UNK: variants seen among roughly 807,000 people sequenced by gnomAD.
UNK encodes RING finger protein unkempt homolog.
Under a neutral mutation model 97.6 loss-of-function variants are expected in UNK, and 32 were observed. The ratio of observed to expected loss-of-function variants is 0.33; its 90% CI spans 0.25 to 0.44. The LOEUF is 0.44. Ranked by LOEUF, UNK falls within the 20% of genes least tolerant of loss-of-function variation. The probability of loss-of-function intolerance (pLI) is 1.00; values close to 1 mark genes in which losing one functional copy is unlikely to be tolerated. For synonymous variants in UNK, 441 were observed against 461.2 expected, an observed-to-expected ratio of 0.96 and a Z score of 0.56; for missense variants, 771 against 1,098.4, an observed-to-expected ratio of 0.70 and a Z score of 4.21.
chr17:75,785,058 G>C, intron 1 of UNK, 74 bp downstream of exon 1: 1 of 1,142,006 alleles, frequency 8.8e-7, no homozygotes, highest in African/African-American at 1.7e-5. Flanking sequence ...ACGCGCGCAG[G>C]GAGAGCGCGA....
Position 75,813,191 on chromosome 17 carries a change from A to G in UNK, c.736A>G (p.Ser246Gly), listed in dbSNP as rs1599382000. The G allele has an allele frequency of 6.3e-7, 1 of 1,587,122 alleles. No homozygotes were observed. Among genetic ancestry groups the G allele is most frequent in the Non-Finnish European group, 8.6e-7 (1 of 1,167,582 alleles). The change falls in exon 5 of 16, where the codon AGC becomes GGC. Residue 246 changes from serine (S) to glycine (G), a missense_variant. Physicochemically the swap from Ser to Gly is moderately conservative, Grantham distance 56 (BLOSUM62 0). Around this residue, in one of 5 missense-constraint regions of UNK, gnomAD observed 246 missense variants for 440.7 expected, o/e 0.56. Transcript: ENST00000589666. Reference protein sequence around the residue: ...YYHNSKDRRRSPRKHKYRSSP... With the variant: ...YYHNSKDRRRGPRKHKYRSSP... Reference sequence around the variant, plus strand: ...CCACAACAGCAAGGACCGGCGGCGGAGCCCCCGGAAGCACAAATACAGGTC... The same window carrying G: ...CCACAACAGCAAGGACCGGCGGCGGGGCCCCCGGAAGCACAAATACAGGTC...
In UNK at chr17:75,822,362, G is replaced by A. The variant is rs1251003854; in HGVS notation, c.1838-115G>A. The A allele has an allele frequency of 7.1e-6, 9 of 1,275,340 alleles. No individual in the cohort carries two copies. The East Asian group carries it at 1.8e-4, about 25-fold the overall frequency. 79.0% of individuals were successfully genotyped at this position (1,275,340 alleles called of 1,614,324 possible). ...AAATTCTCTGGCCTGACACTAGCTG[G>A]AGCCTTGCACACCCATCCAGTGGAC... On this transcript the variant is annotated intron_variant, in intron 13 of 15. Transcript: ENST00000589666.
chr17:75,797,650 C>G (rs2061818939), intron 1 of UNK, among the ~76,000 whole-genome samples: 1 of 152,230 alleles, frequency 6.6e-6, no homozygotes, highest in African/African-American at 2.4e-5. Flanking sequence ...TCTTTGCCAG[C>G]TGCTGTGTGA....
At chr17:75,806,648 C>T (rs2143755559) in intron 1 of UNK, among the ~76,000 whole-genome samples, 1 of 151,894 alleles carries the variant, frequency 6.6e-6, no homozygotes, top group East Asian at 1.9e-4. Context: ...TGGCGGGTGC[C>T]TGTAATCCCA....
chr17:75,819,881 G>A lies in UNK; in HGVS notation c.1649-39G>A. ...CTGTGTGGCCCGCCTGGCTTCCGCT[G>A]CCCTCACCCAGCCCGTCCTCCCCGG... On this transcript the variant is annotated intron_variant, in intron 12 of 15. Coordinates refer to ENST00000589666, the MANE Select transcript of UNK (RefSeq NM_001080419.3). This position sits in a 1 kb window ranked among gnomAD's most constrained non-coding sequence, Gnocchi z 5.4. The A allele has an allele frequency of 1.2e-6, 2 of 1,601,992 alleles. No individual in the cohort carries two copies. The highest frequency in any genetic ancestry group is 1.7e-6 in the Non-Finnish European group (2 of 1,173,654).
Position 75,799,074 on chromosome 17 carries a change from A to C in UNK, c.105-10686A>C, listed in dbSNP as rs113271345. On this transcript the variant is annotated intron_variant, in intron 1 of 15. Transcript: ENST00000589666. The stretch of plus-strand genomic sequence containing the variant: ...GTGCGAGACTCCATCTCAAAAACAA[A>C]AAAAAAAAAGAGGGTTGCTGGAGGT... Among the ~76,000 whole-genome samples the C allele has an allele frequency of 4.6e-5, 7 of 151,700 alleles. 1 individual carries two copies. The highest frequency in any genetic ancestry group is 1.7e-4 in the African/African-American group (7 of 41,422).
At position 75,816,437 on chromosome 17, in the gene UNK, A is replaced by G. The variant is rs1426376679; in HGVS notation, c.962-333A>G. Among the ~76,000 whole-genome samples, 1 of 152,226 alleles carries G rather than the reference A, an allele frequency of 6.6e-6. No homozygotes were observed. Among genetic ancestry groups the G allele is most frequent in the Non-Finnish European group, 1.5e-5 (1 of 68,040 alleles). On this transcript the variant is annotated intron_variant, in intron 7 of 15. Coordinates refer to ENST00000589666, the MANE Select transcript of UNK (RefSeq NM_001080419.3). The surrounding 1 kb of genome is among the most constrained non-coding windows in gnomAD (Gnocchi z 4.0). Reference sequence around the variant, plus strand: ...AGTGATTCAGGCTTTGGAGTTGTACAGATCAGCGTTCAAGACCCAGCTCCT... The same window carrying G: ...AGTGATTCAGGCTTTGGAGTTGTACGGATCAGCGTTCAAGACCCAGCTCCT...
rs761280468 is a variant in UNK at position 75,815,164 on chromosome 17, TC to T, written c.877-3del. ...AGCCTGACTTGCCTGTGCTCTGCCC[TC>T]CAGATCTACAAGTCCACCAAGTGCA... On this transcript the variant is annotated splice_region_variant and splice_polypyrimidine_tract_variant and intron_variant, in intron 6 of 15. Transcript: ENST00000589666. The T allele has an allele frequency of 2.0e-5, 33 of 1,612,140 alleles. No individual in the cohort carries two copies. The highest frequency in any genetic ancestry group is 3.3e-5 in the Admixed American group (2 of 59,956).
At chr17:75,795,003 A>G (rs536783737) in intron 1 of UNK, among the ~76,000 whole-genome samples, 1 of 152,208 alleles carries the variant, frequency 6.6e-6, no homozygotes, top group African/African-American at 2.4e-5. Context: ...TTGCATCCAC[A>G]CTAAAATAGA....
chr17:75,786,597 G>C (rs905589480), intron 1 of UNK, among the ~76,000 whole-genome samples: 2 of 152,154 alleles, frequency 1.3e-5, no homozygotes, highest in African/African-American at 4.8e-5. Context: ...TAGCTCTCAC[G>C]CCTGTAATCA....
chr17:75,818,711 C>T lies in UNK; in HGVS notation c.1441C>T (p.Leu481=), dbSNP rs2062039034. The T allele has an allele frequency of 6.2e-7, 1 of 1,613,230 alleles. No homozygotes were observed. The highest frequency in any genetic ancestry group is 1.7e-5 in the Admixed American group (1 of 59,944). ...CATCTCTTCTAGTATCACCTCCAGCCTGGCAGCTACCCCCCCTAGCCCAGT... is the reference window on the plus strand; with the variant it reads ...CATCTCTTCTAGTATCACCTCCAGCTTGGCAGCTACCCCCCCTAGCCCAGT... The part of the protein sequence containing the change: ...SSISSSITSS[L]AATPPSPVGT... Residue 481 remains leucine (L), a synonymous_variant, in exon 11 of 16, where the codon CTG becomes TTG. Coordinates refer to ENST00000589666, the MANE Select transcript of UNK (RefSeq NM_001080419.3). This position sits in a 1 kb window ranked among gnomAD's most constrained non-coding sequence, Gnocchi z 5.1.
At position 75,823,230 on chromosome 17, in the gene UNK, G is replaced by A. The variant is rs567838772; in HGVS notation, c.2020-35G>A. 4 of 1,559,460 alleles carry A rather than the reference G, an allele frequency of 2.6e-6. No individual in the cohort carries two copies. In the African/African-American group the frequency reaches 4.1e-5, roughly 16 times the overall value. On this transcript the variant is annotated intron_variant, in intron 14 of 15. Coordinates refer to ENST00000589666, the MANE Select transcript of UNK (RefSeq NM_001080419.3). ...CTCTCTGGGGACAGGGGCAGGGCAG[G>A]GCCATTGTGATGAGACTGTATGCTG...
At position 75,809,763 on chromosome 17, in the gene UNK, C is replaced by T; in HGVS notation, c.108C>T (p.Tyr36=). Residue 36 remains tyrosine (Y), a synonymous_variant, in exon 2 of 16, where the codon TAC becomes TAT. Coordinates refer to ENST00000589666, the MANE Select transcript of UNK (RefSeq NM_001080419.3). ...AQPEKPQHYT[Y]LKEFRTEQCP... Reference sequence around the variant, plus strand: ...CCACGCGGGGCTCTCTCTGCAGGTACCTGAAAGAATTCCGCACAGAGCAGT... The same window carrying T: ...CCACGCGGGGCTCTCTCTGCAGGTATCTGAAAGAATTCCGCACAGAGCAGT... 1.2e-6 allele frequency: 2 copies of T among 1,606,076 alleles called. No homozygotes were observed. Among genetic ancestry groups the T allele is most frequent in the Non-Finnish European group, 1.7e-6 (2 of 1,176,622 alleles).
chr17:75,801,956 T>G (rs2061863763), intron 1 of UNK, among the ~76,000 whole-genome samples: 1 of 151,900 alleles, frequency 6.6e-6, no homozygotes, highest in African/African-American at 2.4e-5. Flanking sequence ...CAAGTGATTC[T>G]TGTGCCTCAG....
intron 1 of UNK, among the ~76,000 whole-genome samples, chr17:75,787,845 C>T (rs927550216): frequency 6.6e-6 from 1 of 150,464 alleles, no homozygotes; most frequent in Non-Finnish European, 1.5e-5. Context: ...AAAAGAGAGA[C>T]GTGATCTCTC....
At position 75,818,238 on chromosome 17, in the gene UNK, C is replaced by T. The variant is rs1056231905; in HGVS notation, c.1371+70C>T. On this transcript the variant is annotated intron_variant, in intron 10 of 15. Coordinates refer to ENST00000589666, the MANE Select transcript of UNK (RefSeq NM_001080419.3). This position sits in a 1 kb window ranked among gnomAD's most constrained non-coding sequence, Gnocchi z 5.1. The stretch of plus-strand genomic sequence containing the variant: ...AGTGGCCCAGAACCCCAGGAGGCTT[C>T]GGGGAGTGGGAGGCACCACTTTTCC... 1.5e-5 allele frequency: 24 copies of T among 1,558,938 alleles called. No individual in the cohort carries two copies. The highest frequency in any genetic ancestry group is 6.8e-5 in the South Asian group (6 of 88,334).
At position 75,818,010 on chromosome 17, in the gene UNK, C is replaced by G; in HGVS notation, c.1306-93C>G. 1 of 1,286,980 alleles carries G rather than the reference C, an allele frequency of 7.8e-7. No homozygotes were observed. The highest frequency in any genetic ancestry group is 1.1e-6 in the Non-Finnish European group (1 of 894,726). The allele number at this position is 1,286,980 out of a possible 1,614,324, so 79.7% of individuals were successfully genotyped here. A position where few individuals can be genotyped will look rare whatever the true frequency, so the allele number is the denominator to read the frequency against. On this transcript the variant is annotated intron_variant, in intron 9 of 15. Transcript: ENST00000589666. This position sits in a 1 kb window ranked among gnomAD's most constrained non-coding sequence, Gnocchi z 5.1. ...TGAAGAGGGGTTGCATGTCTGCCAC[C>G]ACCTGCCCCCTGGTACCTGCAGCCT...
At position 75,823,276 on chromosome 17, in the gene UNK, C is replaced by T. The variant is rs1193242393; in HGVS notation, c.2031C>T (p.Ala677=). 1.9e-6 allele frequency: 3 copies of T among 1,602,352 alleles called. No individual in the cohort carries two copies. The highest frequency in any genetic ancestry group is 1.1e-5 in the South Asian group (1 of 90,480). The change falls in exon 15 of 16, where the codon GCC becomes GCT. Residue 677 remains alanine (A), a synonymous_variant. Transcript: ENST00000589666. ...SWKQAKQACD[A]WKKEAEEAGE... ...TGCTGGCCCCACAGGCTTGTGATGC[C>T]TGGAAGAAAGAGGCGGAGGAGGCTG...
In UNK at chr17:75,818,949, A is replaced by G. The variant is rs1442264488; in HGVS notation, c.1546+133A>G. On this transcript the variant is annotated intron_variant, in intron 11 of 15. Transcript: ENST00000589666. The surrounding 1 kb of genome is among the most constrained non-coding windows in gnomAD (Gnocchi z 5.1). ...GTCTTCGGAAAATCAGGGGATGGGC[A>G]CTCTGAGTCCTTTGAGCTAAAGGGG... 20 of 1,078,176 alleles carry G rather than the reference A, an allele frequency of 1.9e-5. No individual in the cohort carries two copies. Among genetic ancestry groups the G allele is most frequent in the Non-Finnish European group, 2.6e-5 (20 of 778,450 alleles). The allele number at this position is 1,078,176 out of a possible 1,614,324, so 66.8% of individuals were successfully genotyped here.
Sources: gnomAD v4.1 joint callset for allele counts (sites outside exome capture counted in the v4.1 genomes callset) on GRCh38, gnomAD v4.1.1 for gene constraint, gnomAD v4.1.1 regional missense constraint, Gnocchi (gnomAD v3.1) non-coding constraint, MANE v1.5 for transcripts, NCBI Gene and HGNC (gene_info 2026-07-23, HGNC 2026-07-21) for gene names.